COL7A1: variants seen among roughly 807,000 people sequenced by gnomAD.
The protein encoded by COL7A1 is collagen alpha-1(VII) chain.
In COL7A1, 296 loss-of-function variants were observed where a neutral mutation model predicts 456.2. The observed-to-expected ratio is 0.65, with a 90% CI of 0.59 to 0.71. COL7A1 has a LOEUF of 0.71. COL7A1 is among the 30% of genes least tolerant of loss of function. COL7A1 has a pLI of 0.00. For synonymous variants in COL7A1, 1,464 were observed against 1,525.9 expected (o/e 0.96, Z 0.95); for missense variants, 3,441 against 4,017.2 (o/e 0.86, Z 3.88).
rs1440784558 is a variant in COL7A1 at position 48,565,371 on chromosome 3, C to T, written c.8527+39G>A. ...ATGGACACCCATGTGCGTGTCTCGG[C>T]CCCACCCATAGCTGCCCCACGGGTT... On this transcript the variant is annotated intron_variant, in intron 116 of 118. Transcript: ENST00000681320. This position sits in a 1 kb window ranked among gnomAD's most constrained non-coding sequence, Gnocchi z 4.5. 6.3e-7 allele frequency: 1 copy of T among 1,575,844 alleles called. No homozygotes were observed. Among genetic ancestry groups the T allele is most frequent in the South Asian group, 1.1e-5 (1 of 87,212 alleles).
In COL7A1 at chr3:48,565,316, C is replaced by CCCTA. The variant is rs1202629705; in HGVS notation, c.8527+90_8527+93dup. 2.7e-5 allele frequency: 40 copies of CCCTA among 1,496,626 alleles called. No individual in the cohort carries two copies. Among genetic ancestry groups the CCCTA allele is most frequent in the Non-Finnish European group, 3.6e-5 (39 of 1,092,394 alleles). 92.7% of individuals were successfully genotyped at this position (1,496,626 alleles called of 1,614,324 possible). Reference sequence around the variant, plus strand: ...CCCATGCGTGTGCCCTGCATGCAGACCCTACGTGCTTGGCGTGTGCCCTGC... The same window carrying CCCTA: ...CCCATGCGTGTGCCCTGCATGCAGACCCTACCTACGTGCTTGGCGTGTGCCCTGC... On this transcript the variant is annotated intron_variant, in intron 116 of 118. Transcript: ENST00000681320. This position sits in a 1 kb window ranked among gnomAD's most constrained non-coding sequence, Gnocchi z 4.5.
rs1213146544 is a variant in COL7A1 at position 48,576,503 on chromosome 3, A to C, written c.5736+19T>G. 2 of 1,611,750 alleles carry C rather than the reference A, an allele frequency of 1.2e-6. No individual in the cohort carries two copies. Among genetic ancestry groups the C allele is most frequent in the African/African-American group, 1.3e-5 (1 of 74,714 alleles). ...GGTCAGCCCCCTCACCACGCCCCCT[A>C]CCCAACATCCGCACTCACCTTGGGG... On this transcript the variant is annotated intron_variant, in intron 69 of 118. Transcript: ENST00000681320.
Position 48,583,271 on chromosome 3 carries a change from C to G in COL7A1, c.4438-100G>C. The G allele has an allele frequency of 6.2e-7, 1 of 1,603,956 alleles. No homozygotes were observed. Among genetic ancestry groups the G allele is most frequent in the Non-Finnish European group, 8.5e-7 (1 of 1,173,648 alleles). On this transcript the variant is annotated intron_variant, in intron 42 of 118. Coordinates refer to ENST00000681320, the MANE Select transcript of COL7A1 (RefSeq NM_000094.4). The surrounding 1 kb of genome is among the most constrained non-coding windows in gnomAD (Gnocchi z 5.1). ...AGGGGTCCCAAACTCCAACCACCCC[C>G]TCCAAAACCACGACCTCTGACCTGG...
Position 48,585,809 on chromosome 3 carries a change from C to T in COL7A1, c.3786+21G>A. ...CTGACACTCAACCCATTCTCTATTC[C>T]CCGCCCGCAGGGGCACTCACCATCT... is the stretch of plus-strand genomic sequence containing the variant. On this transcript the variant is annotated intron_variant, in intron 30 of 118. Coordinates refer to ENST00000681320, the MANE Select transcript of COL7A1 (RefSeq NM_000094.4). This position sits in a 1 kb window ranked among gnomAD's most constrained non-coding sequence, Gnocchi z 4.5. The T allele has an allele frequency of 3.1e-6, 5 of 1,614,074 alleles. No homozygotes were observed. The highest frequency in any genetic ancestry group is 4.2e-6 in the Non-Finnish European group (5 of 1,180,022).
In COL7A1 at chr3:48,564,749, G is replaced by A. The variant is rs779188664; in HGVS notation, c.8818+34C>T. On this transcript the variant is annotated intron_variant, in intron 118 of 118. Transcript: ENST00000681320. The surrounding 1 kb of genome is among the most constrained non-coding windows in gnomAD (Gnocchi z 6.0). ...AGAACCCGATCCAGGCAGGCTCAGT[G>A]CCCAGTTCCCCACGGTGGGGGCTCA... is the stretch of plus-strand genomic sequence containing the variant. The A allele has an allele frequency of 1.9e-6, 3 of 1,604,320 alleles. No homozygotes were observed. In the African/African-American group the frequency reaches 4.0e-5, roughly 21 times the overall value.
rs146783561 is a variant in COL7A1 at position 48,588,326 on chromosome 3, G to A, written c.2666C>T (p.Pro889Leu). Residue 889 changes from proline to leucine, a missense_variant, in exon 21 of 119, where the codon CCG becomes CTG. Around this residue, in one of 3 missense-constraint regions of COL7A1, gnomAD observed 444 missense variants for 427.6 expected, o/e 1.04. Transcript: ENST00000681320. This position sits in a 1 kb window ranked among gnomAD's most constrained non-coding sequence, Gnocchi z 4.6. ...AAGGAAGCCCTGCGCTCTGGGCACCGGCTCCCAGCGCAGCCTCAGCGAGTG... is the reference window on the plus strand; with the variant it reads ...AAGGAAGCCCTGCGCTCTGGGCACCAGCTCCCAGCGCAGCCTCAGCGAGTG... ...GEHSLRLRWE[P>L]VPRAQGFLLH... 56 of 1,612,712 alleles carry A rather than the reference G, an allele frequency of 3.5e-5. No individual in the cohort carries two copies. Among genetic ancestry groups the A allele is most frequent in the African/African-American group, 1.3e-4 (10 of 74,898 alleles).
Position 48,565,361 on chromosome 3 carries a change from C to T in COL7A1, c.8527+49G>A, listed in dbSNP as rs762451231. 5 of 1,550,554 alleles carry T rather than the reference C, an allele frequency of 3.2e-6. No individual in the cohort carries two copies. The highest frequency in any genetic ancestry group is 1.2e-5 in the South Asian group (1 of 86,136). Reference sequence around the variant, plus strand: ...CCCTGCATTCATGGACACCCATGTGCGTGTCTCGGCCCCACCCATAGCTGC... The same window carrying T: ...CCCTGCATTCATGGACACCCATGTGTGTGTCTCGGCCCCACCCATAGCTGC... On this transcript the variant is annotated intron_variant, in intron 116 of 118. Coordinates refer to ENST00000681320, the MANE Select transcript of COL7A1 (RefSeq NM_000094.4). The surrounding 1 kb of genome is among the most constrained non-coding windows in gnomAD (Gnocchi z 4.5).
At position 48,570,303 on chromosome 3, in the gene COL7A1, CGGG is replaced by C; in HGVS notation, c.7409_7411del (p.Pro2470del). The stretch of plus-strand genomic sequence containing the variant: ...GATGCCTGGCTCCCCACGCTCGCCT[CGGG>C]GCCCAGGCAGCCCTACTCCAGGGTC... On this transcript the variant is annotated inframe_deletion, in exon 98 of 119. Transcript: ENST00000681320. This position sits in a 1 kb window ranked among gnomAD's most constrained non-coding sequence, Gnocchi z 5.5. The C allele has an allele frequency of 6.2e-7, 1 of 1,614,108 alleles. No homozygotes were observed. Among genetic ancestry groups the C allele is most frequent in the East Asian group, 2.2e-5 (1 of 44,862 alleles).
chr3:48,568,210 G>T lies in COL7A1; in HGVS notation c.7795-40C>A. 6.2e-7 allele frequency: 1 copy of T among 1,601,384 alleles called. No individual in the cohort carries two copies. Among genetic ancestry groups the T allele is most frequent in the Non-Finnish European group, 8.5e-7 (1 of 1,173,150 alleles). ...GTCCATGTGAGGTCAGAGGAGGTCA[G>T]TGAGGGACCAAAGAGAATCGCCCTG... is the stretch of plus-strand genomic sequence containing the variant. On this transcript the variant is annotated intron_variant, in intron 105 of 118. Coordinates refer to ENST00000681320, the MANE Select transcript of COL7A1 (RefSeq NM_000094.4). This position sits in a 1 kb window ranked among gnomAD's most constrained non-coding sequence, Gnocchi z 5.2.
Position 48,573,955 on chromosome 3 carries a change from G to A in COL7A1, c.6502-65C>T. ...CACTTGGGCCTGTTCCCAACCTCTGGGGGCTTTTTCCTTGGGGGTCAATTT... is the reference window on the plus strand; with the variant it reads ...CACTTGGGCCTGTTCCCAACCTCTGAGGGCTTTTTCCTTGGGGGTCAATTT... On this transcript the variant is annotated intron_variant, in intron 80 of 118. Coordinates refer to ENST00000681320, the MANE Select transcript of COL7A1 (RefSeq NM_000094.4). This position sits in a 1 kb window ranked among gnomAD's most constrained non-coding sequence, Gnocchi z 5.5. 6.3e-7 allele frequency: 1 copy of A among 1,596,860 alleles called. No individual in the cohort carries two copies. Among genetic ancestry groups the A allele is most frequent in the Non-Finnish European group, 8.5e-7 (1 of 1,171,032 alleles).
Position 48,582,378 on chromosome 3 carries a change from G to A in COL7A1, c.4600-20C>T. On this transcript the variant is annotated intron_variant, in intron 46 of 118. Coordinates refer to ENST00000681320, the MANE Select transcript of COL7A1 (RefSeq NM_000094.4). ...CTCCCCCTGTGGAGAGAGGATAGGA[G>A]CAGGGACAGGTCAGGGAGTCACCTA... is the stretch of plus-strand genomic sequence containing the variant. 6.2e-7 allele frequency: 1 copy of A among 1,614,088 alleles called. No individual in the cohort carries two copies. Among genetic ancestry groups the A allele is most frequent in the Non-Finnish European group, 8.5e-7 (1 of 1,180,014 alleles).
At position 48,583,005 on chromosome 3, in the gene COL7A1, G is replaced by A. The variant is rs1219303545; in HGVS notation, c.4518+8C>T. On this transcript the variant is annotated splice_region_variant and intron_variant, in intron 44 of 118. Transcript: ENST00000681320. The surrounding 1 kb of genome is among the most constrained non-coding windows in gnomAD (Gnocchi z 5.1). ...AGCTGGTATGAGCATTGCAGCCAGT[G>A]GGTTTACCCGGGATCCCGCTGGGCC... 1 of 1,614,076 alleles carries A rather than the reference G, an allele frequency of 6.2e-7. No homozygotes were observed. The highest frequency in any genetic ancestry group is 8.5e-7 in the Non-Finnish European group (1 of 1,179,988).
Position 48,594,515 on chromosome 3 carries a change from A to C in COL7A1, c.119T>G (p.Val40Gly), listed in dbSNP as rs765536524. 6.2e-7 allele frequency: 1 copy of C among 1,611,406 alleles called. No homozygotes were observed. Among genetic ancestry groups the C allele is most frequent in the South Asian group, 1.1e-5 (1 of 90,934 alleles). Residue 40 changes from valine (V) to glycine (G), a missense_variant, in exon 3 of 119, where the codon GTG (valine) becomes GGG (glycine). Transcript: ENST00000681320. The surrounding 1 kb of genome is among the most constrained non-coding windows in gnomAD (Gnocchi z 5.5). ...GGATGAGGAGCCATCCAGTAAGAAC[A>C]CAATGTCAGCGGCGTAAAGGCGCGT... ...TCTRLYAADI[V>G]FLLDGSSSIG...
chr3:48,593,646 G>A lies in COL7A1; in HGVS notation c.317C>T (p.Ala106Val), dbSNP rs767643638. The change falls in exon 4 of 119, where the codon GCC (alanine) becomes GTC (valine). Residue 106 changes from alanine (A) to valine (V), a missense_variant. Ala to Val is a moderately conservative substitution (Grantham distance 64). Around this residue, in one of 3 missense-constraint regions of COL7A1, gnomAD observed 913 missense variants for 1,088.2 expected, o/e 0.84. Coordinates refer to ENST00000681320, the MANE Select transcript of COL7A1 (RefSeq NM_000094.4). This position sits in a 1 kb window ranked among gnomAD's most constrained non-coding sequence, Gnocchi z 4.4. ...CCCCTTGTAGCTAAGCTCACGGATG[G>A]CGCGGATCACATCACCCCCAGAGCC... ...ALGSGGDVIRAIRELSYKGGN... is the reference protein window; with the variant it reads ...ALGSGGDVIRVIRELSYKGGN... 77 of 1,614,088 alleles carry A rather than the reference G, an allele frequency of 4.8e-5. 1 individual carries two copies. The South Asian group carries it at 8.2e-4, about 17-fold the overall frequency.
At position 48,585,661 on chromosome 3, in the gene COL7A1, G is replaced by A; in HGVS notation, c.3831+29C>T. 3 of 1,614,040 alleles carry A rather than the reference G, an allele frequency of 1.9e-6. No individual in the cohort carries two copies. The highest frequency in any genetic ancestry group is 2.5e-6 in the Non-Finnish European group (3 of 1,180,002). ...GTTAGGTGGGGATAAGCCAGTCAGG[G>A]TGCAGGGACAGATGTGGGGGACACT... On this transcript the variant is annotated intron_variant, in intron 31 of 118. Transcript: ENST00000681320. The surrounding 1 kb of genome is among the most constrained non-coding windows in gnomAD (Gnocchi z 4.5).
chr3:48,578,581 C>T lies in COL7A1; in HGVS notation c.5425-66G>A. The stretch of plus-strand genomic sequence containing the variant: ...TATCCCTTGGGGCACACCCCATGGA[C>T]TAAGAGGACCCCAAAAAGATCTCCC... On this transcript the variant is annotated intron_variant, in intron 63 of 118. Coordinates refer to ENST00000681320, the MANE Select transcript of COL7A1 (RefSeq NM_000094.4). This position sits in a 1 kb window ranked among gnomAD's most constrained non-coding sequence, Gnocchi z 4.7. 1 of 1,550,246 alleles carries T rather than the reference C, an allele frequency of 6.5e-7. No homozygotes were observed. The highest frequency in any genetic ancestry group is 8.9e-7 in the Non-Finnish European group (1 of 1,126,552).
Position 48,578,612 on chromosome 3 carries a change from G to A in COL7A1, c.5425-97C>T. 1 of 1,379,870 alleles carries A rather than the reference G, an allele frequency of 7.2e-7. No individual in the cohort carries two copies. Among genetic ancestry groups the A allele is most frequent in the South Asian group, 1.2e-5 (1 of 83,626 alleles). The allele number at this position is 1,379,870 out of a possible 1,614,324, so 85.5% of individuals were successfully genotyped here. On this transcript the variant is annotated intron_variant, in intron 63 of 118. Coordinates refer to ENST00000681320, the MANE Select transcript of COL7A1 (RefSeq NM_000094.4). This position sits in a 1 kb window ranked among gnomAD's most constrained non-coding sequence, Gnocchi z 4.7. The stretch of plus-strand genomic sequence containing the variant: ...GGACCCCAAAAAGATCTCCCTCCAG[G>A]GTAGAGACCCCCAGGACTGAGAGGT...
chr3:48,584,673 T>C, intron 35 of COL7A1, 61 bp downstream of exon 35: 1 of 1,613,220 alleles, frequency 6.2e-7, no homozygotes, highest in Non-Finnish European at 8.5e-7. Context: ...CAGGGTCTGG[T>C]GTGGGGCAGT....
rs554373310 is a variant in COL7A1 at position 48,564,579 on chromosome 3, A to G, written c.8819-157T>C. 296 of 1,060,142 alleles carry G rather than the reference A, an allele frequency of 2.8e-4. 5 individuals are homozygous for G. Among genetic ancestry groups the G allele is most frequent in the Middle Eastern group, 2.6e-3 (9 of 3,444 alleles). The allele number at this position is 1,060,142 out of a possible 1,614,324, so 65.7% of individuals were successfully genotyped here. A position where few individuals can be genotyped will look rare whatever the true frequency, so the allele number is the denominator to read the frequency against. ...TACTTAGGTCTTTAAAGGAGGGAACATGGAAGGGGACCCTACTGGGGGCTC... is the reference window on the plus strand; with the variant it reads ...TACTTAGGTCTTTAAAGGAGGGAACGTGGAAGGGGACCCTACTGGGGGCTC... On this transcript the variant is annotated intron_variant, in intron 118 of 118. Coordinates refer to ENST00000681320, the MANE Select transcript of COL7A1 (RefSeq NM_000094.4). This position sits in a 1 kb window ranked among gnomAD's most constrained non-coding sequence, Gnocchi z 6.0.
Sources: allele counts gnomAD v4.1 joint callset, GRCh38; gene constraint gnomAD v4.1.1; regional missense constraint gnomAD v4.1.1; non-coding constraint Gnocchi (gnomAD v3.1); transcripts MANE v1.5; gene names NCBI Gene and HGNC (gene_info 2026-07-23, HGNC 2026-07-21).